Variants in ELMO1 observed in about 807,000 individuals in gnomAD.
The protein encoded by ELMO1 is engulfment and cell motility protein 1.
ELMO1 carries 26 observed loss-of-function variants against 98.9 expected under a neutral mutation model. That is an observed-to-expected ratio of 0.26 (90% CI 0.19 to 0.36). The LOEUF (loss-of-function observed/expected upper bound fraction) is 0.36. Ranked by LOEUF, ELMO1 falls within the 10% of genes least tolerant of loss-of-function variation. The pLI, the probability that ELMO1 is intolerant of heterozygous loss-of-function variation, is 1.00. For synonymous variants in ELMO1, 346 were observed against 346.0 expected (o/e 1.00, Z 0.00); for missense variants, 627 against 935.2 (o/e 0.67, Z 4.30).
chr7:36,952,812 C>A (rs1282410674), intron 16 of ELMO1, among the ~76,000 whole-genome samples: 4 of 151,950 alleles, frequency 2.6e-5, no homozygotes. Flanking sequence ...ACACAGAGAG[C>A]AGAGGAGGAA....
At chr7:36,902,825 G>A (rs1783677715) in intron 16 of ELMO1, among the ~76,000 whole-genome samples, 1 of 152,114 alleles carries the variant, frequency 6.6e-6, no homozygotes, top group Non-Finnish European at 1.5e-5. Context: ...AGGAGTGGTG[G>A]GATGTTGACT....
intron 13 of ELMO1, among the ~76,000 whole-genome samples, chr7:37,187,830 G>A (rs766137421): frequency 2.0e-5 from 3 of 152,272 alleles, no homozygotes; most frequent in South Asian, 2.1e-4. Flanking sequence ...CACAGTGACT[G>A]AGACAGCACA....
chr7:37,322,622 C>CA (rs574986239), intron 2 of ELMO1, among the ~76,000 whole-genome samples: 15,943 of 128,652 alleles, frequency 0.12, 956 homozygotes, highest in Middle Eastern at 0.2. Context: ...ACTCTCTCTC[C>CA]AAAAAAAAAA....
In ELMO1 at chr7:37,151,367, C is replaced by T. The variant is rs1032917101; in HGVS notation, c.1087-18133G>A. 5.3e-5 allele frequency among the ~76,000 whole-genome samples: 8 copies of T among 152,250 alleles called. No individual in the cohort carries two copies. The East Asian group carries it at 1.2e-3, about 22-fold the overall frequency. On this transcript the variant is annotated intron_variant, in intron 13 of 21. Coordinates refer to ENST00000310758, the MANE Select transcript of ELMO1 (RefSeq NM_014800.11). ...GTTCGTCAGGGGGACTGTATGAGGA[C>T]GGCTTCAGCACAGGTGAATCAATTC...
intron 15 of ELMO1, among the ~76,000 whole-genome samples, chr7:37,083,261 G>A (rs1783576632): frequency 6.6e-6 from 1 of 152,132 alleles, no homozygotes; most frequent in Admixed American, 6.5e-5. Flanking sequence ...AACTTGGGAG[G>A]GGGCCATCGG....
intron 16 of ELMO1, among the ~76,000 whole-genome samples, chr7:36,961,250 T>C (rs1265797404): frequency 6.6e-6 from 1 of 152,208 alleles, no homozygotes; most frequent in Non-Finnish European, 1.5e-5. Context: ...TTCTTCATCA[T>C]GCAGGCATTA....
chr7:37,136,648 A>G (rs1333396980), intron 13 of ELMO1, among the ~76,000 whole-genome samples: 1 of 152,186 alleles, frequency 6.6e-6, no homozygotes, highest in Non-Finnish European at 1.5e-5. Flanking sequence ...AAGGAAAGAT[A>G]CAGTCTTTTC....
intron 13 of ELMO1, among the ~76,000 whole-genome samples, chr7:37,190,660 C>T (rs561988998): frequency 4.6e-5 from 7 of 151,914 alleles, no homozygotes; most frequent in Non-Finnish European, 7.4e-5. Context: ...CAATCACGCC[C>T]GGCTAACTTT....
chr7:37,086,542 A>G (rs1451806854), intron 15 of ELMO1, among the ~76,000 whole-genome samples: 5 of 151,988 alleles, frequency 3.3e-5, no homozygotes, highest in Admixed American at 3.3e-4. Context: ...CAGGAGTTCG[A>G]GACCAGCCTG....
In ELMO1 at chr7:36,984,776, A is replaced by C. The variant is rs181533132; in HGVS notation, c.1437+28523T>G. On this transcript the variant is annotated intron_variant, in intron 16 of 21. Coordinates refer to ENST00000310758, the MANE Select transcript of ELMO1 (RefSeq NM_014800.11). The stretch of plus-strand genomic sequence containing the variant: ...TGTGCTATGACACTTTCAGGCACAT[A>C]AGACAGGAAATCACATTTTAAAAAA... 1.3e-3 allele frequency: 647 copies of C among 479,926 alleles called. 4 individuals are homozygous for C. The highest frequency in any genetic ancestry group is 2.0e-3 in the Admixed American group (31 of 15,628). 29.7% of individuals were successfully genotyped at this position (479,926 alleles called of 1,614,324 possible). A position where few individuals can be genotyped will look rare whatever the true frequency, so the allele number is the denominator to read the frequency against.
intron 1 of ELMO1, among the ~76,000 whole-genome samples, chr7:37,372,531 G>A (rs1802160438): frequency 6.6e-6 from 1 of 152,014 alleles, no homozygotes; most frequent in African/African-American, 2.4e-5. Flanking sequence ...AATTTTCCAG[G>A]CATTTATCTT....
intron 10 of ELMO1, among the ~76,000 whole-genome samples, chr7:37,220,588 C>T (rs779168378): frequency 3.9e-5 from 6 of 152,142 alleles, no homozygotes; most frequent in Non-Finnish European, 7.3e-5. Context: ...ATCGACATTC[C>T]ATTATATTAC....
At chr7:36,946,340 C>T (rs987390935) in intron 16 of ELMO1, among the ~76,000 whole-genome samples, 1 of 152,156 alleles carries the variant, frequency 6.6e-6, no homozygotes, top group African/African-American at 2.4e-5. Flanking sequence ...GACTACAGTC[C>T]CCTCCCAGTA....
chr7:36,904,552 C>T (rs1783819242), intron 16 of ELMO1, among the ~76,000 whole-genome samples: 1 of 152,230 alleles, frequency 6.6e-6, no homozygotes, highest in South Asian at 2.1e-4. Flanking sequence ...ACTCCTAAGA[C>T]TCAGACACAG....
At chr7:37,318,592 T>G (rs4723634) in intron 2 of ELMO1, among the ~76,000 whole-genome samples, 144,617 of 152,218 alleles carry the variant, frequency 0.95, 69,174 homozygotes, top group East Asian at 1. Flanking sequence ...ATAATGAAGT[T>G]GGATATATGA....
At chr7:36,976,997 T>A (rs1790609112) in intron 16 of ELMO1, among the ~76,000 whole-genome samples, 1 of 152,206 alleles carries the variant, frequency 6.6e-6, no homozygotes, top group Non-Finnish European at 1.5e-5. Context: ...GGATTTGAAC[T>A]TCACTCTGCC....
intron 7 of ELMO1, among the ~76,000 whole-genome samples, chr7:37,241,848 T>C (rs1031479586): frequency 6.6e-6 from 1 of 152,174 alleles, no homozygotes; most frequent in African/African-American, 2.4e-5. Context: ...CCAAACAGTA[T>C]TATAATTTTT....
chr7:36,897,645 C>T (rs1444750558), intron 16 of ELMO1, among the ~76,000 whole-genome samples: 1 of 152,130 alleles, frequency 6.6e-6, no homozygotes, highest in Non-Finnish European at 1.5e-5. Context: ...CATTTACAGG[C>T]TCATGGGTGC....
chr7:37,443,103 C>G (rs2070949213), intron 1 of ELMO1, among the ~76,000 whole-genome samples: 1 of 152,118 alleles, frequency 6.6e-6, no homozygotes, highest in Non-Finnish European at 1.5e-5. Context: ...AGAAAAATGT[C>G]GCATTGATCC....
Sources: allele counts gnomAD v4.1 joint callset (sites outside exome capture counted in the v4.1 genomes callset), GRCh38; gene constraint gnomAD v4.1.1; transcripts MANE v1.5; gene names NCBI Gene and HGNC (gene_info 2026-07-23, HGNC 2026-07-21).